The following SLC8A2 variants were observed in gnomAD, a reference collection of about 807,000 sequenced individuals.
SLC8A2 encodes the protein sodium/calcium exchanger 2.
Under a neutral mutation model 70.2 loss-of-function variants are expected in SLC8A2, and 14 were observed. The observed-to-expected ratio is 0.20, with a 90% CI of 0.13 to 0.31. SLC8A2 has a LOEUF of 0.31. Among genes scored for constraint, SLC8A2 ranks in the 10% least tolerant of loss-of-function variants. SLC8A2 has a pLI of 1.00. For synonymous variants in SLC8A2, 575 were observed against 594.3 expected (o/e 0.97, Z 0.47); for missense variants, 779 against 1,320.1 (o/e 0.59, Z 6.35).
At chr19:47,451,552 G>A (rs565219937) in intron 3 of SLC8A2, among the ~76,000 whole-genome samples, 8 of 152,226 alleles carry the variant, frequency 5.3e-5, no homozygotes, top group African/African-American at 1.2e-4. Flanking sequence ...CAAGCAATCC[G>A]CTGGCCTTGG....
chr19:47,435,845 G>A (rs1368773451), intron 8 of SLC8A2, among the ~76,000 whole-genome samples: 1 of 152,064 alleles, frequency 6.6e-6, no homozygotes, highest in South Asian at 2.1e-4. Context: ...ACCGCACCCA[G>A]CCTCTACTGC....
chr19:47,448,646 A>G lies in SLC8A2; in HGVS notation c.1341-415T>C, dbSNP rs698704. On this transcript the variant is annotated intron_variant, in intron 3 of 9. Coordinates refer to ENST00000236877, the MANE Select transcript of SLC8A2 (RefSeq NM_015063.3). This position sits in a 1 kb window ranked among gnomAD's most constrained non-coding sequence, Gnocchi z 4.8. ...ACATCCCTGCTTCTCAAACCTTAAT[A>G]TGCATATGAATCCCCTGGTGGAGCT... Among the ~76,000 whole-genome samples, 118,475 of 152,058 alleles carry G rather than the reference A, an allele frequency of 0.78. 46,916 individuals carry two copies. Among genetic ancestry groups the G allele is most frequent in the Middle Eastern group, 0.89 (261 of 294 alleles).
chr19:47,452,445 A>AGAGTGTGTGT (rs1568444583), intron 3 of SLC8A2, among the ~76,000 whole-genome samples: 4 of 54,100 alleles, frequency 7.4e-5, no homozygotes, highest in African/African-American at 3.6e-4. Flanking sequence ...AGAGAGAGAG[A>AGAGTGTGTGT]GTGTGTGTGT....
intron 1 of SLC8A2, among the ~76,000 whole-genome samples, chr19:47,470,388 C>T (rs1346894713): frequency 1.3e-5 from 2 of 150,100 alleles, no homozygotes; most frequent in African/African-American, 2.5e-5. Flanking sequence ...CACACACACA[C>T]CAGGGCTACA....
Position 47,432,452 on chromosome 19 carries a change from GCA to G in SLC8A2, c.2111-9_2111-8del, listed in dbSNP as rs749591258. ...TCCTCCTCCTCCTCGTCCCCTGTGGGCACACGACCCAGCTGGGGCATACACTC... is the reference window on the plus strand; with the variant it reads ...TCCTCCTCCTCCTCGTCCCCTGTGGGCACGACCCAGCTGGGGCATACACTC... On this transcript the variant is annotated splice_polypyrimidine_tract_variant and splice_region_variant and intron_variant, in intron 8 of 9. Transcript: ENST00000236877. This position sits in a 1 kb window ranked among gnomAD's most constrained non-coding sequence, Gnocchi z 6.2. 6.3e-7 allele frequency: 1 copy of G among 1,582,298 alleles called. No homozygotes were observed. Among genetic ancestry groups the G allele is most frequent in the South Asian group, 1.2e-5 (1 of 85,634 alleles).
Position 47,447,255 on chromosome 19 carries a change from C to T in SLC8A2, c.1763+554G>A, listed in dbSNP as rs1477389643. Among the ~76,000 whole-genome samples, 1 of 151,890 alleles carries T rather than the reference C, an allele frequency of 6.6e-6. No homozygotes were observed. The highest frequency in any genetic ancestry group is 1.5e-5 in the Non-Finnish European group (1 of 67,986). On this transcript the variant is annotated intron_variant, in intron 4 of 9. Coordinates refer to ENST00000236877, the MANE Select transcript of SLC8A2 (RefSeq NM_015063.3). The surrounding 1 kb of genome is among the most constrained non-coding windows in gnomAD (Gnocchi z 5.1). ...GACCCCACCTATCGCCCTGGACCCGCCCCCTCTCCACAGCCACCGACAGCG... is the reference window on the plus strand; with the variant it reads ...GACCCCACCTATCGCCCTGGACCCGTCCCCTCTCCACAGCCACCGACAGCG...
At chr19:47,462,450 G>A (rs1320745777) in intron 2 of SLC8A2, among the ~76,000 whole-genome samples, 1 of 151,932 alleles carries the variant, frequency 6.6e-6, no homozygotes, top group African/African-American at 2.4e-5. Flanking sequence ...TTTTAGTAGA[G>A]TTAGGGTTTC....
At chr19:47,457,745 C>CTTTT (rs138621003) in intron 2 of SLC8A2, 151 bp from the exon 3 acceptor site, 57,929 of 410,484 alleles carry the variant, frequency 0.14, 4,502 homozygotes, top group Non-Finnish European at 0.16. Context: ...CTTTCTGTTT[C>CTTTT]TTTTCTTTCT....
At chr19:47,431,013 C>T (rs1568438444) in intron 9 of SLC8A2, among the ~76,000 whole-genome samples, 1 of 151,362 alleles carries the variant, frequency 6.6e-6, no homozygotes, top group Non-Finnish European at 1.5e-5. Context: ...TATGAGCCAC[C>T]GCGCCTAGCT....
chr19:47,447,511 A>C lies in SLC8A2; in HGVS notation c.1763+298T>G. 2.2e-6 allele frequency: 1 copy of C among 448,096 alleles called. No individual in the cohort carries two copies. Among genetic ancestry groups the C allele is most frequent in the Non-Finnish European group, 4.0e-6 (1 of 251,570 alleles). The allele number at this position is 448,096 out of a possible 1,614,324, so 27.8% of individuals were successfully genotyped here. Reference sequence around the variant, plus strand: ...ACCAGGCCCCGCCCACGTGGTAGACACAGCACACCTAGGCCCCGCCCCTCC... The same window carrying C: ...ACCAGGCCCCGCCCACGTGGTAGACCCAGCACACCTAGGCCCCGCCCCTCC... On this transcript the variant is annotated intron_variant, in intron 4 of 9. Coordinates refer to ENST00000236877, the MANE Select transcript of SLC8A2 (RefSeq NM_015063.3). The surrounding 1 kb of genome is among the most constrained non-coding windows in gnomAD (Gnocchi z 5.1).
In SLC8A2 at chr19:47,466,147, A is replaced by G. The variant is rs1298465009; in HGVS notation, c.257T>C (p.Val86Ala). Residue 86 changes from valine (V) to alanine (A), a missense_variant, in exon 2 of 10, where the codon GTG (valine) becomes GCG (alanine). Val to Ala is a moderately conservative substitution (Grantham distance 64). Coordinates refer to ENST00000236877, the MANE Select transcript of SLC8A2 (RefSeq NM_015063.3). This position sits in a 1 kb window ranked among gnomAD's most constrained non-coding sequence, Gnocchi z 6.9. The part of the protein sequence containing the change: ...FVAMVYMFLG[V>A]SIIADRFMAA... The stretch of plus-strand genomic sequence containing the variant: ...CATGAAACGGTCGGCGATGATGGAC[A>G]CTCCCAGAAACATGTAGACCATGGC... 1 of 1,613,882 alleles carries G rather than the reference A, an allele frequency of 6.2e-7. No individual in the cohort carries two copies. The highest frequency in any genetic ancestry group is 8.5e-7 in the Non-Finnish European group (1 of 1,180,012).
chr19:47,442,746 C>G (rs1967114314), intron 4 of SLC8A2, among the ~76,000 whole-genome samples: 1 of 152,174 alleles, frequency 6.6e-6, no homozygotes, highest in Non-Finnish European at 1.5e-5. Context: ...TGCAGTGGTG[C>G]AATCATAGCT....
In SLC8A2 at chr19:47,431,473, A is replaced by G. The variant is rs1599842613; in HGVS notation, c.2389+694T>C. Among the ~76,000 whole-genome samples, 4 of 140,510 alleles carry G rather than the reference A, an allele frequency of 2.8e-5. No homozygotes were observed. In the Admixed American group the frequency reaches 2.9e-4, roughly 10 times the overall value. 92.2% of individuals were successfully genotyped at this position (140,510 alleles called of 152,430 possible). ...AGACCAGCCTGGCCAATATGGTGAAACCCCGTCTCTACTAAAAACGTAAAA... is the reference window on the plus strand; with the variant it reads ...AGACCAGCCTGGCCAATATGGTGAAGCCCCGTCTCTACTAAAAACGTAAAA... On this transcript the variant is annotated intron_variant, in intron 9 of 9. Coordinates refer to ENST00000236877, the MANE Select transcript of SLC8A2 (RefSeq NM_015063.3).
intron 3 of SLC8A2, among the ~76,000 whole-genome samples, chr19:47,452,445 A>AGAGTGTGT (rs1568444583): frequency 7.4e-5 from 4 of 54,096 alleles, no homozygotes; most frequent in Admixed American, 2.8e-4. Flanking sequence ...AGAGAGAGAG[A>AGAGTGTGT]GTGTGTGTGT....
At chr19:47,449,523 C>G (rs1967210064) in intron 3 of SLC8A2, among the ~76,000 whole-genome samples, 1 of 152,132 alleles carries the variant, frequency 6.6e-6, no homozygotes, top group South Asian at 2.1e-4. Context: ...AGGGTTTCAT[C>G]ATGTTGGCCA....
At chr19:47,455,321 G>A (rs1434564314) in intron 3 of SLC8A2, among the ~76,000 whole-genome samples, 1 of 152,180 alleles carries the variant, frequency 6.6e-6, no homozygotes, top group Non-Finnish European at 1.5e-5. Flanking sequence ...TACTGAGCAG[G>A]TAGAACCTCT....
rs910343193 is a variant in SLC8A2 at position 47,466,789 on chromosome 19, C to T, written c.-16-370G>A. Among the ~76,000 whole-genome samples the T allele has an allele frequency of 2.6e-5, 4 of 152,072 alleles. No homozygotes were observed. Among genetic ancestry groups the T allele is most frequent in the African/African-American group, 7.2e-5 (3 of 41,392 alleles). ...ACCTACAAGAATGTTCATAGCAGGC[C>T]GGGTGCGGTGGCTACGCCTGTAATC... On this transcript the variant is annotated intron_variant, in intron 1 of 9. Coordinates refer to ENST00000236877, the MANE Select transcript of SLC8A2 (RefSeq NM_015063.3). The surrounding 1 kb of genome is among the most constrained non-coding windows in gnomAD (Gnocchi z 6.9).
rs1599840657 is a variant in SLC8A2 at position 47,428,417 on chromosome 19, T to G, written c.*1672A>C. The G allele has an allele frequency of 7.2e-6, 1 of 138,326 alleles. No individual in the cohort carries two copies. Among genetic ancestry groups the G allele is most frequent in the Non-Finnish European group, 1.6e-5 (1 of 64,288 alleles). The allele number at this position is 138,326 out of a possible 1,614,324, so 8.6% of individuals were successfully genotyped here. A position where few individuals can be genotyped will look rare whatever the true frequency, so the allele number is the denominator to read the frequency against. On this transcript the variant is annotated 3_prime_UTR_variant, in exon 10 of 10. Coordinates refer to ENST00000236877, the MANE Select transcript of SLC8A2 (RefSeq NM_015063.3). ...GAAGCCCATGACTGATGGATGGGGG[T>G]GTGGCTAGTGGAAGAGCTAGGCTGA...
chr19:47,457,907 C>G (rs912527623), intron 2 of SLC8A2, among the ~76,000 whole-genome samples: 63 of 151,354 alleles, frequency 4.2e-4, no homozygotes, highest in African/African-American at 1.5e-3. Flanking sequence ...GGTGCAGCCT[C>G]GGCTCACTAA....
Sources: allele counts gnomAD v4.1 joint callset (sites outside exome capture counted in the v4.1 genomes callset), GRCh38; gene constraint gnomAD v4.1.1; non-coding constraint Gnocchi (gnomAD v3.1); transcripts MANE v1.5; gene names NCBI Gene and HGNC (gene_info 2026-07-23, HGNC 2026-07-21).